OXR1: variants seen among roughly 807,000 people sequenced by gnomAD.
The protein encoded by OXR1 is oxidation resistance 1.
OXR1 carries 41 observed loss-of-function variants against 104.6 expected under a neutral mutation model. The ratio of observed to expected loss-of-function variants is 0.39; its 90% CI spans 0.31 to 0.51. The LOEUF is 0.51. Ranked by LOEUF, OXR1 falls within the 20% of genes least tolerant of loss-of-function variation. The pLI is 0.77. For missense variants in OXR1, 955 were observed against 1,031.9 expected (o/e 0.93, Z 1.02); for synonymous variants, 348 against 348.4 (o/e 1.00, Z 0.01).
chr8:106,725,600 C>T (rs929578510), intron 11 of OXR1, among the ~76,000 whole-genome samples: 2 of 152,148 alleles, frequency 1.3e-5, no homozygotes, highest in Non-Finnish European at 2.9e-5. Flanking sequence ...TAAAAACAGA[C>T]TGTGTAACAG....
intron 3 of OXR1, among the ~76,000 whole-genome samples, chr8:106,549,760 T>G (rs1455625444): frequency 6.6e-6 from 1 of 152,136 alleles, no homozygotes; most frequent in Non-Finnish European, 1.5e-5. Flanking sequence ...TGGGGTCCCT[T>G]TATAAGGGTG....
intron 11 of OXR1, among the ~76,000 whole-genome samples, chr8:106,718,800 C>T (rs1400285007): frequency 6.7e-6 from 1 of 149,076 alleles, no homozygotes; most frequent in African/African-American, 2.5e-5. Flanking sequence ...GATCATGCCA[C>T]TGCACTGCAG....
chr8:106,577,612 A>G (rs757485437), intron 3 of OXR1, among the ~76,000 whole-genome samples: 1 of 151,430 alleles, frequency 6.6e-6, no homozygotes, highest in Non-Finnish European at 1.5e-5. Flanking sequence ...CTGGTCTCGA[A>G]CTCCTGACCT....
At chr8:106,716,779 A>G (rs1003521710) in intron 11 of OXR1, among the ~76,000 whole-genome samples, 3 of 152,168 alleles carry the variant, frequency 2.0e-5, no homozygotes, top group Non-Finnish European at 4.4e-5. Flanking sequence ...TAAATAAACT[A>G]TATTAATACA....
chr8:106,410,587 A>C (rs1468409952), intron 2 of OXR1, among the ~76,000 whole-genome samples: 1 of 152,284 alleles, frequency 6.6e-6, no homozygotes, highest in Non-Finnish European at 1.5e-5. Flanking sequence ...ATGGATGCTG[A>C]GCCAAGTGAG....
intron 3 of OXR1, among the ~76,000 whole-genome samples, chr8:106,610,574 G>A (rs1382510092): frequency 3.9e-5 from 6 of 151,952 alleles, no homozygotes; most frequent in South Asian, 2.1e-4. Flanking sequence ...ATCCTGTCTC[G>A]TACCATGCCA....
intron 11 of OXR1, among the ~76,000 whole-genome samples, chr8:106,714,468 G>A (rs1160374243): frequency 6.6e-6 from 1 of 151,886 alleles, no homozygotes; most frequent in Admixed American, 6.6e-5. Context: ...GCATTATCTT[G>A]ACTTAAATTT....
chr8:106,666,290 A>G (rs1240822710), intron 3 of OXR1, among the ~76,000 whole-genome samples: 3 of 152,166 alleles, frequency 2.0e-5, no homozygotes, highest in African/African-American at 7.2e-5. Flanking sequence ...GGTGATGAAA[A>G]TGGTCTGTAT....
intron 6 of OXR1, 118 bp from the exon 7 acceptor site, chr8:106,692,610 T>C (rs567701320): frequency 1.9e-5 from 10 of 529,890 alleles, no homozygotes; most frequent in Non-Finnish European, 3.1e-5. Flanking sequence ...ACTTCCAGAA[T>C]GCGGTGAAAT....
chr8:106,653,692 G>A (rs182841386), intron 3 of OXR1, among the ~76,000 whole-genome samples: 1 of 151,886 alleles, frequency 6.6e-6, no homozygotes, highest in Non-Finnish European at 1.5e-5. Flanking sequence ...GGAATAAAAC[G>A]ATATCTGCTC....
At chr8:106,341,390 C>CAAATATATAT in intron 1 of OXR1, among the ~76,000 whole-genome samples, 1 of 145,936 alleles carries the variant, frequency 6.9e-6, no homozygotes, top group Non-Finnish European at 1.5e-5. Flanking sequence ...AGTCAATCTA[C>CAAATATATAT]ATATATATAT....
At chr8:106,659,099 G>A (rs529957031) in intron 3 of OXR1, among the ~76,000 whole-genome samples, 24 of 152,140 alleles carry the variant, frequency 1.6e-4, no homozygotes, top group Non-Finnish European at 2.9e-4. Context: ...ACTCCACATC[G>A]TGCCAGTCAT....
intron 11 of OXR1, among the ~76,000 whole-genome samples, chr8:106,714,440 T>C (rs1203419093): frequency 6.6e-6 from 1 of 152,072 alleles, no homozygotes; most frequent in African/African-American, 2.4e-5. Context: ...ACTACTCCTT[T>C]CTATGTTTCA....
intron 3 of OXR1, among the ~76,000 whole-genome samples, chr8:106,608,000 C>G (rs1050347377): frequency 1.3e-4 from 20 of 152,114 alleles, no homozygotes; most frequent in African/African-American, 4.6e-4. Context: ...TTAGGGTGGG[C>G]ACTGGGCACT....
At chr8:106,577,342 C>A (rs4286919) in intron 3 of OXR1, among the ~76,000 whole-genome samples, 27,500 of 139,832 alleles carry the variant, frequency 0.2, 2,663 homozygotes, top group East Asian at 0.39. Context: ...TCCCGAGTAG[C>A]TGGGATTACA....
At chr8:106,692,531 G>T (rs377239834) in intron 6 of OXR1, among the ~76,000 whole-genome samples, 197 bp from the exon 7 acceptor site, 18 of 151,984 alleles carry the variant, frequency 1.2e-4, no homozygotes, top group African/African-American at 4.4e-4. Flanking sequence ...CTGTGTTTGT[G>T]ATCTTTATTG....
intron 2 of OXR1, among the ~76,000 whole-genome samples, chr8:106,400,138 T>A (rs1475235256): frequency 6.6e-6 from 1 of 152,170 alleles, no homozygotes; most frequent in Non-Finnish European, 1.5e-5. Flanking sequence ...CTATTTTGAT[T>A]GTTGTTTCAC....
chr8:106,607,779 C>A (rs759444636), intron 3 of OXR1, among the ~76,000 whole-genome samples: 2 of 151,924 alleles, frequency 1.3e-5, no homozygotes, highest in Non-Finnish European at 2.9e-5. Context: ...CCTAGCAGGT[C>A]GATGTTATTT....
chr8:106,744,404 G>A (rs1367987656), intron 15 of OXR1, among the ~76,000 whole-genome samples: 1 of 152,048 alleles, frequency 6.6e-6, no homozygotes, highest in African/African-American at 2.4e-5. Context: ...ATTAAATGAG[G>A]ATCATTTATA....
Sources: gnomAD v4.1 joint callset for allele counts (sites outside exome capture counted in the v4.1 genomes callset) on GRCh38, gnomAD v4.1.1 for gene constraint, MANE v1.5 for transcripts, NCBI Gene and HGNC (gene_info 2026-07-23, HGNC 2026-07-21) for gene names.